MYL6B: variants seen among roughly 807,000 people sequenced by gnomAD.
MYL6B encodes the protein myosin light chain 6B.
A neutral mutation model predicts 24.5 loss-of-function variants in MYL6B; 19 were observed. The ratio of observed to expected loss-of-function variants is 0.78; its 90% CI spans 0.54 to 1.14. MYL6B has a LOEUF of 1.14. MYL6B is among the 50% of genes most tolerant of loss of function. MYL6B has a pLI of 0.00. For synonymous variants in MYL6B, 90 were observed against 100.7 expected (o/e 0.89, Z 0.64); for missense variants, 230 against 263.8 (o/e 0.87, Z 0.89).
At chr12:56,156,519 C>T (rs1332801043) in intron 5 of MYL6B, among the ~76,000 whole-genome samples, 1 of 151,768 alleles carries the variant, frequency 6.6e-6, no homozygotes, top group Non-Finnish European at 1.5e-5. Context: ...GCAGGAGAAT[C>T]GCTTTAACCC....
At position 56,155,357 on chromosome 12, in the gene MYL6B, T is replaced by A. The variant is rs777431490; in HGVS notation, c.347-62T>A. On this transcript the variant is annotated intron_variant, in intron 4 of 6. Transcript: ENST00000553066. ...ATAGGATGAAAGCATTGTGGTAGGG[T>A]TGGGAGCTGGGTCCTATGTAATACT... is the stretch of plus-strand genomic sequence containing the variant. 76 of 1,609,308 alleles carry A rather than the reference T, an allele frequency of 4.7e-5. 1 individual carries two copies. The highest frequency in any genetic ancestry group is 6.3e-5 in the Non-Finnish European group (74 of 1,177,636).
chr12:56,157,614 CG>C (rs1871383697), intron 6 of MYL6B, 69 bp downstream of exon 6: 2 of 1,612,516 alleles, frequency 1.2e-6, no homozygotes, highest in Admixed American at 1.7e-5. Context: ...CGCGTGTGGG[CG>C]GGGGCACCCC....
intron 1 of MYL6B, among the ~76,000 whole-genome samples, chr12:56,152,875 C>T (rs1276088977): frequency 6.6e-6 from 1 of 152,048 alleles, no homozygotes; most frequent in African/African-American, 2.4e-5. Flanking sequence ...TACCCCAGAA[C>T]AAAAGTAGCC....
chr12:56,157,544 G>A (rs759377949), exon 6 of MYL6B: 2 of 1,599,994 alleles, frequency 1.3e-6, no homozygotes, highest in Non-Finnish European at 8.5e-7. Flanking sequence ...TCAACTACGA[G>A]GGTGAGGGGA....
chr12:56,153,891 G>A (rs763794187), exon 2 of MYL6B: 20 of 1,584,028 alleles, frequency 1.3e-5, no homozygotes, highest in African/African-American at 6.8e-5. Flanking sequence ...GCCCCCATCC[G>A]CACACTGTCC....
In MYL6B at chr12:56,157,535, C is replaced by G; in HGVS notation, c.588C>G (p.Ile196Met). 2.5e-6 allele frequency: 4 copies of G among 1,610,366 alleles called. No individual in the cohort carries two copies. The South Asian group carries it at 3.3e-5, about 13-fold the overall frequency. The change falls in exon 6 of 7, where the codon ATC becomes ATG. Residue 196 changes from isoleucine to methionine, a missense_variant. Coordinates refer to ENST00000553066, the Ensembl canonical transcript of MYL6B. Reference sequence around the variant, plus strand: ...GACACGAGGACAGCAACGGCTGCATCAACTACGAGGGTGAGGGGACAAAAA... The same window carrying G: ...GACACGAGGACAGCAACGGCTGCATGAACTACGAGGGTGAGGGGACAAAAA...
intron 5 of MYL6B, 198 bp from the exon 6 acceptor site, chr12:56,157,270 G>C (rs1381242208): frequency 1.8e-6 from 1 of 552,810 alleles, no homozygotes; most frequent in Non-Finnish European, 3.3e-6. Flanking sequence ...TGTAATCCCA[G>C]CTACTCGGGA....
At chr12:56,155,855 TG>T (rs1277800396) in intron 5 of MYL6B, 22 of 1,364,266 alleles carry the variant, frequency 1.6e-5, no homozygotes, top group Non-Finnish European at 2.1e-5. Flanking sequence ...GTGGGTTGTG[TG>T]TTCTGGTACA....
At position 56,157,678 on chromosome 12, in the gene MYL6B, C is replaced by G. The variant is rs528785340; in HGVS notation, c.599-20C>G. The G allele has an allele frequency of 2.5e-6, 4 of 1,613,266 alleles. No homozygotes were observed. Among genetic ancestry groups the G allele is most frequent in the South Asian group, 2.2e-5 (2 of 91,080 alleles). ...CCAAAGGCCTGCTTCTGAAGCCCCTCTTGCCTCCTCTCTCTGCAGCCTTCT... is the reference window on the plus strand; with the variant it reads ...CCAAAGGCCTGCTTCTGAAGCCCCTGTTGCCTCCTCTCTCTGCAGCCTTCT... On this transcript the variant is annotated intron_variant, in intron 6 of 6. Transcript: ENST00000553066.
chr12:56,156,603 T>TA (rs57080238), intron 5 of MYL6B, among the ~76,000 whole-genome samples: 2,987 of 151,066 alleles, frequency 0.02, 112 homozygotes, highest in African/African-American at 0.069. Flanking sequence ...AGACTCAGTT[T>TA]AAAAAAAAGC....
At chr12:56,157,734 A>C (rs749863546) in exon 7 of MYL6B, 2 of 1,611,486 alleles carry the variant, frequency 1.2e-6, no homozygotes, top group Non-Finnish European at 1.7e-6. Context: ...TGAGTGCTGC[A>C]GGTAGGGCCC....
At chr12:56,154,978 G>GT in intron 3 of MYL6B, 77 bp from the exon 4 acceptor site, 2 of 1,560,558 alleles carry the variant, frequency 1.3e-6, no homozygotes, top group Non-Finnish European at 1.7e-6. Context: ...TGTTCACATA[G>GT]TTTCTGAAAT....
intron 5 of MYL6B, chr12:56,155,877 C>T: frequency 3.1e-6 from 4 of 1,304,636 alleles, no homozygotes; most frequent in South Asian, 3.0e-5. Flanking sequence ...AGTCTCGTAA[C>T]CTCCTGGGAT....
At chr12:56,156,750 A>T (rs1010487141) in intron 5 of MYL6B, among the ~76,000 whole-genome samples, 5 of 140,580 alleles carry the variant, frequency 3.6e-5, no homozygotes, top group South Asian at 2.2e-4. Context: ...ATCTCTATTT[A>T]AAAAAAAAAA....
In MYL6B at chr12:56,157,534, T is replaced by G. The variant is rs1466445534; in HGVS notation, c.587T>G (p.Ile196Ser). The change falls in exon 6 of 7, where the codon ATC (isoleucine) becomes AGC (serine). Residue 196 changes from isoleucine (I) to serine (S), a missense_variant. Ile to Ser is a moderately radical substitution (Grantham distance 142). Coordinates refer to ENST00000553066, the Ensembl canonical transcript of MYL6B. ...GGACACGAGGACAGCAACGGCTGCA[T>G]CAACTACGAGGGTGAGGGGACAAAA... 1.9e-6 allele frequency: 3 copies of G among 1,611,150 alleles called. No individual in the cohort carries two copies. The Admixed American group carries it at 5.1e-5, about 27-fold the overall frequency.
chr12:56,157,950 T>C (rs1871407737), exon 7 of MYL6B: 2 of 597,790 alleles, frequency 3.3e-6, no homozygotes, highest in African/African-American at 3.7e-5. Context: ...GGCCACCTAT[T>C]GTTTCAAAAT....
exon 5 of MYL6B, chr12:56,155,505 G>A: frequency 1.2e-6 from 2 of 1,614,052 alleles, no homozygotes; most frequent in Non-Finnish European, 1.7e-6. Context: ...CACATATGAG[G>A]ACTACTTGGA....
At chr12:56,156,123 T>C (rs942726668) in intron 5 of MYL6B, 1 of 606,700 alleles carries the variant, frequency 1.6e-6, no homozygotes, top group Non-Finnish European at 2.1e-6. Flanking sequence ...CTGGCCAACA[T>C]GGTAAAACCC....
intron 5 of MYL6B, 27 bp from the exon 6 acceptor site, chr12:56,157,441 G>A: frequency 6.2e-7 from 1 of 1,601,220 alleles, no homozygotes; most frequent in East Asian, 2.2e-5. Context: ...GGAAAGGAGG[G>A]CCTCAGACGT....
Sources: allele counts gnomAD v4.1 joint callset (sites outside exome capture counted in the v4.1 genomes callset), GRCh38; gene constraint gnomAD v4.1.1; transcripts MANE v1.5; gene names NCBI Gene and HGNC (gene_info 2026-07-23, HGNC 2026-07-21).